The following ZUP1 variants were observed in gnomAD, a reference collection of about 807,000 sequenced individuals.
The protein encoded by ZUP1 is zinc finger-containing ubiquitin peptidase 1.
ZUP1 carries 55 observed loss-of-function variants against 68.1 expected under a neutral mutation model. The observed-to-expected ratio is 0.81, with a 90% CI of 0.65 to 1.01. ZUP1 has a LOEUF of 1.01. ZUP1 is among the 50% of genes least tolerant of loss of function. The probability of loss-of-function intolerance (pLI) is 0.00; values close to 1 mark genes in which losing one functional copy is unlikely to be tolerated. For synonymous variants in ZUP1, 223 were observed against 221.5 expected, an observed-to-expected ratio of 1.01 and a Z score of -0.06; for missense variants, 684 against 674.9, an observed-to-expected ratio of 1.01 and a Z score of -0.15.
chr6:116,642,367 T>G (rs200660926), intron 9 of ZUP1, among the ~76,000 whole-genome samples: 51,078 of 150,950 alleles, frequency 0.34, 9,401 homozygotes, highest in African/African-American at 0.49. Context: ...ACCAAAGCCT[T>G]GCAGAGACAC....
chr6:116,649,497 G>A lies in ZUP1; in HGVS notation c.1317-1887C>T, dbSNP rs114266301. 9.7e-3 allele frequency among the ~76,000 whole-genome samples: 1,473 copies of A among 152,158 alleles called. 18 individuals are homozygous for A. The highest frequency in any genetic ancestry group is 0.034 in the African/African-American group (1,424 of 41,498). On this transcript the variant is annotated intron_variant, in intron 7 of 9. Coordinates refer to ENST00000368576, the MANE Select transcript of ZUP1 (RefSeq NM_145062.3). ...AAGTAAATAAAAGAAAATGGAGACCGTATGTTTCAAAATCAGAGAGAGGCT... is the reference window on the plus strand; with the variant it reads ...AAGTAAATAAAAGAAAATGGAGACCATATGTTTCAAAATCAGAGAGAGGCT...
intron 8 of ZUP1, among the ~76,000 whole-genome samples, 196 bp downstream of exon 8, chr6:116,647,263 G>A (rs1776338390): frequency 6.6e-6 from 1 of 152,124 alleles, no homozygotes; most frequent in Non-Finnish European, 1.5e-5. Context: ...GGAGGCTGAG[G>A]CAGGAGAATC....
Position 116,651,571 on chromosome 6 carries a change from C to T in ZUP1, c.1316+1G>A. On this transcript the variant is annotated splice_donor_variant, in intron 7 of 9. Coordinates refer to ENST00000368576, the MANE Select transcript of ZUP1 (RefSeq NM_145062.3). LOFTEE classifies it high-confidence loss of function. ...ATTTATTTAGGTTTTAAGGTACATA[C>T]TTTACCCTTAGGGAGGTCAGGAGTA... 3.1e-6 allele frequency: 5 copies of T among 1,602,094 alleles called. No homozygotes were observed. Among genetic ancestry groups the T allele is most frequent in the Non-Finnish European group, 4.3e-6 (5 of 1,175,110 alleles).
intron 7 of ZUP1, among the ~76,000 whole-genome samples, chr6:116,650,366 G>A (rs552363662): frequency 7.5e-6 from 1 of 133,422 alleles, no homozygotes; most frequent in East Asian, 2.3e-4. Context: ...AGCTTGCAGT[G>A]AGCCAAGATC....
chr6:116,647,391 C>A, intron 8 of ZUP1, 68 bp downstream of exon 8: 2 of 1,334,308 alleles, frequency 1.5e-6, no homozygotes, highest in Non-Finnish European at 2.0e-6. Context: ...AAACCTTAAC[C>A]TGTCTGAAAG....
chr6:116,651,926 T>C (rs1422379453), intron 6 of ZUP1, 78 bp downstream of exon 6: 3 of 1,483,686 alleles, frequency 2.0e-6, no homozygotes, highest in East Asian at 2.3e-5. Context: ...GTTAAAGCTA[T>C]TAATTGTGTA....
rs1377199793 is a variant in ZUP1 at position 116,668,655 on chromosome 6, T to A, written c.-105A>T. ...AGACGAGTGCGTGCGCGGCGTCCAGTACCTCTCCTGGCCTGATGACTGAGG... is the reference window on the plus strand; with the variant it reads ...AGACGAGTGCGTGCGCGGCGTCCAGAACCTCTCCTGGCCTGATGACTGAGG... On this transcript the variant is annotated 5_prime_UTR_variant, in exon 1 of 10. Coordinates refer to ENST00000368576, the MANE Select transcript of ZUP1 (RefSeq NM_145062.3). 1 of 152,452 alleles carries A rather than the reference T, an allele frequency of 6.6e-6. No individual in the cohort carries two copies. Among genetic ancestry groups the A allele is most frequent in the Admixed American group, 6.5e-5 (1 of 15,286 alleles). The allele number at this position is 152,452 out of a possible 1,614,324, so 9.4% of individuals were successfully genotyped here. A position where few individuals can be genotyped will look rare whatever the true frequency, so the allele number is the denominator to read the frequency against.
intron 2 of ZUP1, among the ~76,000 whole-genome samples, chr6:116,661,969 A>T (rs983128950): frequency 6.6e-6 from 1 of 152,228 alleles, no homozygotes; most frequent in African/African-American, 2.4e-5. Flanking sequence ...GTATGTTCAA[A>T]ATGCTCACTG....
intron 5 of ZUP1, among the ~76,000 whole-genome samples, chr6:116,655,079 T>C (rs1292593994): frequency 6.6e-6 from 1 of 151,932 alleles, no homozygotes; most frequent in Non-Finnish European, 1.5e-5. Flanking sequence ...TGTTTATCAA[T>C]ATGAAAACAA....
intron 9 of ZUP1, among the ~76,000 whole-genome samples, chr6:116,639,395 T>TCCCTGAC (rs936049909): frequency 9.9e-5 from 15 of 152,180 alleles, no homozygotes; most frequent in Non-Finnish European, 1.9e-4. Flanking sequence ...CTCAAGTGGG[T>TCCCTGAC]CCCTGACCCC....
rs745821598 is a variant in ZUP1, at chr6:116,645,696, A to G, written c.1689+18T>C. ...TTCATCTCATTCAAACTTCACATATAAATATTTAGATACTTACAAGTTTCT... is the reference window on the plus strand; with the variant it reads ...TTCATCTCATTCAAACTTCACATATGAATATTTAGATACTTACAAGTTTCT... On this transcript the variant is annotated intron_variant, in intron 9 of 9. Coordinates refer to ENST00000368576, the MANE Select transcript of ZUP1 (RefSeq NM_145062.3). The G allele has an allele frequency of 1.4e-5, 22 of 1,547,152 alleles. No homozygotes were observed. In the East Asian group the frequency reaches 4.7e-4, roughly 33 times the overall value.
intron 9 of ZUP1, among the ~76,000 whole-genome samples, chr6:116,639,800 C>T (rs937116487): frequency 2.6e-5 from 4 of 152,208 alleles, no homozygotes; most frequent in South Asian, 4.1e-4. Flanking sequence ...TCCAAAGGAA[C>T]GCAGTTCCTC....
rs1394790079 is a variant in ZUP1 at position 116,645,822 on chromosome 6, G to A, written c.1581C>T (p.Asp527=). ...SREMQKLLKQ[D]IEASSLKQLR... Reference sequence around the variant, plus strand: ...GTTGCTTGAGACTGCTAGCCTCTATGTCTTGCTTTAATAATTTCTGCATTT... The same window carrying A: ...GTTGCTTGAGACTGCTAGCCTCTATATCTTGCTTTAATAATTTCTGCATTT... Residue 527 remains aspartate, a synonymous_variant, in exon 9 of 10, where the codon GAC becomes GAT. Transcript: ENST00000368576. The A allele has an allele frequency of 6.2e-7, 1 of 1,613,824 alleles. No individual in the cohort carries two copies. The highest frequency in any genetic ancestry group is 1.1e-5 in the South Asian group (1 of 91,082).
At chr6:116,659,560 G>A (rs1776773222) in intron 3 of ZUP1, among the ~76,000 whole-genome samples, 1 of 151,494 alleles carries the variant, frequency 6.6e-6, no homozygotes, top group Non-Finnish European at 1.5e-5. Context: ...GTAACATCCT[G>A]CATTGATACT....
chr6:116,640,475 C>A (rs1776061700), intron 9 of ZUP1, among the ~76,000 whole-genome samples: 2 of 152,038 alleles, frequency 1.3e-5, no homozygotes, highest in South Asian at 4.2e-4. Flanking sequence ...GCCCATCAGA[C>A]TAACAGCGGA....
At position 116,651,496 on chromosome 6, in the gene ZUP1, T is replaced by G. The variant is rs750763947; in HGVS notation, c.1316+76A>C. ...TAATTTTATTTTTAAACTATCTCTT[T>G]GCTAAAAAATAAAATTTTACAAAAC... On this transcript the variant is annotated intron_variant, in intron 7 of 9. Coordinates refer to ENST00000368576, the MANE Select transcript of ZUP1 (RefSeq NM_145062.3). 3.1e-4 allele frequency: 398 copies of G among 1,302,890 alleles called. 1 individual carries two copies. Among genetic ancestry groups the G allele is most frequent in the Non-Finnish European group, 2.1e-4 (202 of 961,050 alleles). The allele number at this position is 1,302,890 out of a possible 1,614,324, so 80.7% of individuals were successfully genotyped here.
chr6:116,649,026 C>T (rs948966724), intron 7 of ZUP1, among the ~76,000 whole-genome samples: 9 of 148,888 alleles, frequency 6.0e-5, no homozygotes, highest in Non-Finnish European at 1.3e-4. Flanking sequence ...AAACTCAAAA[C>T]ATGATAGAGT....
At chr6:116,658,947 A>G in intron 3 of ZUP1, 23 bp from the exon 4 acceptor site, 1 of 1,571,840 alleles carries the variant, frequency 6.4e-7, no homozygotes, top group Non-Finnish European at 8.6e-7. Flanking sequence ...GTTAATGTTC[A>G]GAATAAAATA....
intron 9 of ZUP1, among the ~76,000 whole-genome samples, chr6:116,643,034 A>C (rs1350337151): frequency 1.3e-5 from 2 of 151,752 alleles, no homozygotes; most frequent in African/African-American, 4.8e-5. Context: ...GCATTCTTAT[A>C]CACCAATAAC....
Sources: gnomAD v4.1 joint callset for allele counts (sites outside exome capture counted in the v4.1 genomes callset) on GRCh38, gnomAD v4.1.1 for gene constraint, MANE v1.5 for transcripts, NCBI Gene and HGNC (gene_info 2026-07-23, HGNC 2026-07-21) for gene names.